The following TRMT9B variants were observed in gnomAD, a reference collection of about 807,000 sequenced individuals.
The protein encoded by TRMT9B is probable tRNA methyltransferase 9B.
Under a neutral mutation model 11.5 loss-of-function variants are expected in TRMT9B, and 16 were observed. The ratio of observed to expected loss-of-function variants is 1.39; its 90% CI spans 0.94 to 2.11. The LOEUF (loss-of-function observed/expected upper bound fraction) is 2.11. Among genes scored for constraint, TRMT9B ranks in the 30% most tolerant of loss-of-function variants. TRMT9B has a pLI of 0.00. For missense variants in TRMT9B, 941 were observed against 553.8 expected, an observed-to-expected ratio of 1.70 and a Z score of -7.02; for synonymous variants, 274 against 192.4, an observed-to-expected ratio of 1.42 and a Z score of -3.51.
chr8:13,005,102 AAAAAG>A (rs1810210040), intron 2 of TRMT9B, among the ~76,000 whole-genome samples: 2 of 148,136 alleles, frequency 1.4e-5, no homozygotes, highest in Non-Finnish European at 1.5e-5. Context: ...AAAAAAAAAG[AAAAAG>A]AAAAGAAAAG....
Position 13,019,905 on chromosome 8 carries a change from A to G in TRMT9B, c.329-1103A>G, listed in dbSNP as rs529496811. Among the ~76,000 whole-genome samples, 9 of 152,318 alleles carry G rather than the reference A, an allele frequency of 5.9e-5. No individual in the cohort carries two copies. The South Asian group carries it at 1.9e-3, about 32-fold the overall frequency. ...TCACCCTCACACCTCTGGCTTTCTT[A>G]CATTACTGCATGGTAGAGATACCAA... On this transcript the variant is annotated intron_variant, in intron 4 of 4. Transcript: ENST00000524591.
At chr8:13,003,871 G>T (rs1237546911) in intron 2 of TRMT9B, among the ~76,000 whole-genome samples, 1 of 149,946 alleles carries the variant, frequency 6.7e-6, no homozygotes, top group Non-Finnish European at 1.5e-5. Flanking sequence ...GCCTGGTTTT[G>T]ACTTCATATC....
chr8:13,015,277 T>A (rs1812423309), intron 4 of TRMT9B, among the ~76,000 whole-genome samples: 1 of 152,094 alleles, frequency 6.6e-6, no homozygotes, highest in South Asian at 2.1e-4. Flanking sequence ...TCTTGTTACA[T>A]CTTGATATTT....
intron 2 of TRMT9B, among the ~76,000 whole-genome samples, chr8:12,998,046 T>C (rs1808697405): frequency 6.6e-6 from 1 of 152,194 alleles, no homozygotes; most frequent in African/African-American, 2.4e-5. Flanking sequence ...TCCTGACCAT[T>C]ATGAAGTGTC....
At chr8:13,006,628 G>A (rs931725325) in intron 3 of TRMT9B, 2 of 1,369,934 alleles carry the variant, frequency 1.5e-6, no homozygotes, top group African/African-American at 1.4e-5. Flanking sequence ...ACTCGAGACA[G>A]TCAAGTCAGC....
At chr8:13,011,274 C>T in intron 3 of TRMT9B, 1 of 984,834 alleles carries the variant, frequency 1.0e-6, no homozygotes, top group Non-Finnish European at 1.2e-6. Flanking sequence ...GCATGAGCCA[C>T]CGCGCCAGAC....
At chr8:12,990,770 C>T (rs1016918362) in intron 1 of TRMT9B, 64 bp from the exon 2 acceptor site, 1 of 1,083,292 alleles carries the variant, frequency 9.2e-7, no homozygotes, top group Admixed American at 2.5e-5. Flanking sequence ...TCAGCCTGGG[C>T]TGTAGCTGGC....
chr8:12,967,513 A>G lies in TRMT9B; in HGVS notation c.-200+21547A>G, dbSNP rs576011242. 1.8e-4 allele frequency among the ~76,000 whole-genome samples: 28 copies of G among 152,328 alleles called. 1 individual carries two copies. The South Asian group carries it at 5.4e-3, about 29-fold the overall frequency. On this transcript the variant is annotated intron_variant, in intron 1 of 4. Transcript: ENST00000524591. ...TAAAGTTGACATTAAAAAGGATGAC[A>G]TTCTCCAGTTACCATTTGACCAACT...
chr8:13,000,409 T>A (rs747794026), intron 2 of TRMT9B, among the ~76,000 whole-genome samples: 1 of 152,162 alleles, frequency 6.6e-6, no homozygotes, highest in Non-Finnish European at 1.5e-5. Context: ...GGCCACTAAC[T>A]CTCCTGTTAG....
chr8:13,017,811 A>T (rs570085671), intron 4 of TRMT9B, among the ~76,000 whole-genome samples: 3 of 150,996 alleles, frequency 2.0e-5, no homozygotes, highest in South Asian at 4.2e-4. Context: ...TTTGGTAGAG[A>T]TGGGGTTTCA....
At chr8:12,967,859 A>T (rs887904065) in intron 1 of TRMT9B, among the ~76,000 whole-genome samples, 10 of 152,220 alleles carry the variant, frequency 6.6e-5, no homozygotes, top group Non-Finnish European at 1.3e-4. Context: ...GGTCCTTATT[A>T]TACAGCTGCT....
At chr8:13,008,138 G>C (rs1394333604) in intron 3 of TRMT9B, among the ~76,000 whole-genome samples, 1 of 152,168 alleles carries the variant, frequency 6.6e-6, no homozygotes, top group African/African-American at 2.4e-5. Flanking sequence ...ATGTGTTTCT[G>C]TTTAAAGACA....
At chr8:12,989,289 T>C (rs1474136) in intron 1 of TRMT9B, among the ~76,000 whole-genome samples, 9,549 of 152,270 alleles carry the variant, frequency 0.063, 377 homozygotes, top group African/African-American at 0.11. Flanking sequence ...AAAGTCTCAA[T>C]TGGAATTCAA....
intron 4 of TRMT9B, among the ~76,000 whole-genome samples, chr8:13,016,989 T>G (rs1462995458): frequency 6.6e-6 from 1 of 151,488 alleles, no homozygotes; most frequent in African/African-American, 2.4e-5. Context: ...CCGGGCATAG[T>G]AGTGCATGCC....
intron 2 of TRMT9B, among the ~76,000 whole-genome samples, chr8:12,991,831 T>C (rs1335205147): frequency 6.6e-6 from 1 of 152,054 alleles, no homozygotes; most frequent in Non-Finnish European, 1.5e-5. Context: ...CTCGGGAGGC[T>C]GGGTTAGGAG....
At chr8:12,959,313 C>T (rs569452074) in intron 1 of TRMT9B, among the ~76,000 whole-genome samples, 97 of 152,168 alleles carry the variant, frequency 6.4e-4, no homozygotes, top group African/African-American at 2.1e-3. Flanking sequence ...TGACAGATTG[C>T]GGTCAAAACG....
chr8:13,000,241 G>A (rs953717021), intron 2 of TRMT9B, among the ~76,000 whole-genome samples: 3 of 152,164 alleles, frequency 2.0e-5, no homozygotes, highest in Admixed American at 6.6e-5. Flanking sequence ...AGTCACTTAG[G>A]GTTTATCTGA....
chr8:12,980,839 A>G (rs1016794963), intron 1 of TRMT9B, among the ~76,000 whole-genome samples: 1 of 152,236 alleles, frequency 6.6e-6, no homozygotes, highest in African/African-American at 2.4e-5. Context: ...CAAAGCATTC[A>G]GGGAATTTCA....
In TRMT9B at chr8:13,021,925, C is replaced by T. The variant is rs372924745; in HGVS notation, c.1246C>T (p.Arg416Ter). Reference sequence around the variant, plus strand: ...CTTTATGCGCTACTACCATGTGTTTCGAGAAGGGGAGCTCTGCAGTCTGCT... The same window carrying T: ...CTTTATGCGCTACTACCATGTGTTTTGAGAAGGGGAGCTCTGCAGTCTGCT... ...TAFMRYYHVFREGELCSLLKE... is the reference protein window; with the variant it reads ...TAFMRYYHVF The change falls in exon 5 of 5, where the codon CGA (arginine) becomes TGA (stop). Residue 416 changes from arginine to a stop codon, truncating the protein, a stop_gained. Coordinates refer to ENST00000524591, the MANE Select transcript of TRMT9B (RefSeq NM_020844.3). LOFTEE classifies it high-confidence loss of function. 19 of 1,613,686 alleles carry T rather than the reference C, an allele frequency of 1.2e-5. No homozygotes were observed. The highest frequency in any genetic ancestry group is 8.8e-5 in the South Asian group (8 of 91,040).
Sources: gnomAD v4.1 joint callset for allele counts (sites outside exome capture counted in the v4.1 genomes callset) on GRCh38, gnomAD v4.1.1 for gene constraint, MANE v1.5 for transcripts, NCBI Gene and HGNC (gene_info 2026-07-23, HGNC 2026-07-21) for gene names.